Variants in IPO13 observed in about 807,000 individuals in gnomAD.
IPO13 encodes importin 13.
Under a neutral mutation model 115.5 loss-of-function variants are expected in IPO13, and 28 were observed. That is an observed-to-expected ratio of 0.24 (90% CI 0.18 to 0.33). IPO13 has a LOEUF of 0.33. Ranked by LOEUF, IPO13 falls within the 10% of genes least tolerant of loss-of-function variation. The pLI, the probability that IPO13 is intolerant of heterozygous loss-of-function variation, is 1.00. For missense variants in IPO13, 785 were observed against 1,204.6 expected, an observed-to-expected ratio of 0.65 and a Z score of 5.16; for synonymous variants, 414 against 478.9, an observed-to-expected ratio of 0.86 and a Z score of 1.77.
At chr1:43,947,759 G>C in intron 1 of IPO13, 75 bp downstream of exon 1, 1 of 897,436 alleles carries the variant, frequency 1.1e-6, no homozygotes. Context: ...GCAGAGCTCA[G>C]GCCTGGGCTG....
In IPO13 at chr1:43,960,879, G is replaced by A. The variant is rs762515877; in HGVS notation, c.2113G>A (p.Val705Met). The stretch of plus-strand genomic sequence containing the variant: ...GCCCCTTTGCTTTCTTCCCAAGGCG[G>A]TGTGCGCTATCTTTGAGAAGTCTGT... ...WLNDAQVVEA[V>M]CAIFEKSVKT... is the part of the protein sequence containing the mutation. Residue 705 changes from valine (V) to methionine (M), a missense_variant, in exon 13 of 20, where the codon GTG becomes ATG. By Grantham distance (21) the Val-to-Met change is conservative (BLOSUM62 1). Around this residue, in one of 3 missense-constraint regions of IPO13, gnomAD observed 285 missense variants for 394.8 expected, o/e 0.72. Transcript: ENST00000372343. 2 of 1,614,156 alleles carry A rather than the reference G, an allele frequency of 1.2e-6. No homozygotes were observed. Among genetic ancestry groups the A allele is most frequent in the Non-Finnish European group, 1.7e-6 (2 of 1,180,042 alleles).
rs1350980723 is a variant in IPO13, at chr1:43,958,795, C to T, written c.1934C>T (p.Ser645Phe). Residue 645 changes from serine to phenylalanine, a missense_variant, in exon 11 of 20, where the codon TCC becomes TTC. By Grantham distance (155) the Ser-to-Phe change is radical (BLOSUM62 -2). Transcript: ENST00000372343. This position sits in a 1 kb window ranked among gnomAD's most constrained non-coding sequence, Gnocchi z 6.3. ...ATTGTTCACATCTTGGGGCTTCTCT[C>T]CAACCTCTTCACCACACTGGACATC... is the stretch of plus-strand genomic sequence containing the variant. ...LAIVHILGLL[S>F]NLFTTLDISH... 3 of 1,614,060 alleles carry T rather than the reference C, an allele frequency of 1.9e-6. No individual in the cohort carries two copies. In the African/African-American group the frequency reaches 4.0e-5, roughly 22 times the overall value.
chr1:43,954,912 C>T (rs575371753), intron 2 of IPO13, among the ~76,000 whole-genome samples: 1 of 152,320 alleles, frequency 6.6e-6, no homozygotes, highest in South Asian at 2.1e-4. Flanking sequence ...CCTGCATAAC[C>T]TATCAGGTGT....
chr1:43,949,543 G>T lies in IPO13; in HGVS notation c.211G>T (p.Val71Leu). ...FSWQLLQPDK[V>L]PEIQYFGASA... is the part of the protein sequence containing the mutation. ...CTGGCAGCTACTGCAGCCCGACAAGGTACCAGAGATCCAGTACTTTGGGGC... is the reference window on the plus strand; with the variant it reads ...CTGGCAGCTACTGCAGCCCGACAAGTTACCAGAGATCCAGTACTTTGGGGC... Residue 71 changes from valine to leucine, a missense_variant, in exon 2 of 20, where the codon GTA becomes TTA. Coordinates refer to ENST00000372343, the MANE Select transcript of IPO13 (RefSeq NM_014652.4). 6.2e-7 allele frequency: 1 copy of T among 1,614,208 alleles called. No homozygotes were observed. Among genetic ancestry groups the T allele is most frequent in the South Asian group, 1.1e-5 (1 of 91,076 alleles).
Position 43,966,507 on chromosome 1 carries a change from G to C in IPO13, c.2398-68G>C, listed in dbSNP as rs1461293071. ...AGGTGTGAAGTTGGGGGCTGGGGTG[G>C]CAGGTGAGTGGGGGGGATGGTCCTT... On this transcript the variant is annotated intron_variant, in intron 15 of 19. Transcript: ENST00000372343. The surrounding 1 kb of genome is among the most constrained non-coding windows in gnomAD (Gnocchi z 4.1). The C allele has an allele frequency of 1.6e-5, 24 of 1,491,880 alleles. No individual in the cohort carries two copies. The highest frequency in any genetic ancestry group is 2.2e-5 in the Non-Finnish European group (24 of 1,070,908). The allele number at this position is 1,491,880 out of a possible 1,614,324, so 92.4% of individuals were successfully genotyped here.
Position 43,947,043 on chromosome 1 carries a change from A to T in IPO13, c.-558A>T, listed in dbSNP as rs1005566950. 1.3e-5 allele frequency: 5 copies of T among 398,554 alleles called. No individual in the cohort carries two copies. Among genetic ancestry groups the T allele is most frequent in the Non-Finnish European group, 2.2e-5 (5 of 226,108 alleles). 24.7% of individuals were successfully genotyped at this position (398,554 alleles called of 1,614,324 possible). On this transcript the variant is annotated 5_prime_UTR_variant, in exon 1 of 20. Transcript: ENST00000372343. ...GCGCGGGCCAGGCCGAACGGAAGGG[A>T]CCTGCCACAGCCCCTCAACTCCACG...
Position 43,947,221 on chromosome 1 carries a change from G to C in IPO13, c.-380G>C. 1 of 399,054 alleles carries C rather than the reference G, an allele frequency of 2.5e-6. No homozygotes were observed. The allele number at this position is 399,054 out of a possible 1,614,324, so 24.7% of individuals were successfully genotyped here. ...CCCAGGCGGGGGTGTTGTGGGTACAGGCCATCGACCCTGTGACCCCTCAAG... is the reference window on the plus strand; with the variant it reads ...CCCAGGCGGGGGTGTTGTGGGTACACGCCATCGACCCTGTGACCCCTCAAG... On this transcript the variant is annotated 5_prime_UTR_variant, in exon 1 of 20. Coordinates refer to ENST00000372343, the MANE Select transcript of IPO13 (RefSeq NM_014652.4).
intron 15 of IPO13, among the ~76,000 whole-genome samples, chr1:43,965,355 T>G (rs1261347992): frequency 6.6e-6 from 1 of 152,044 alleles, no homozygotes. Flanking sequence ...TGCTAGGTAC[T>G]GAGGATATGA....
In IPO13 at chr1:43,958,679, A is replaced by G. The variant is rs2085269016; in HGVS notation, c.1885-67A>G. 5.6e-6 allele frequency: 9 copies of G among 1,612,286 alleles called. No individual in the cohort carries two copies. Among genetic ancestry groups the G allele is most frequent in the Non-Finnish European group, 7.6e-6 (9 of 1,178,690 alleles). ...AGGTTGGAGCTGGCCCTCAGAGCTG[A>G]GGCTCAGTGATCTGGGGACCAAACT... On this transcript the variant is annotated intron_variant, in intron 10 of 19. Coordinates refer to ENST00000372343, the MANE Select transcript of IPO13 (RefSeq NM_014652.4). The surrounding 1 kb of genome is among the most constrained non-coding windows in gnomAD (Gnocchi z 6.3).
At chr1:43,955,050 G>A (rs997126604) in intron 2 of IPO13, among the ~76,000 whole-genome samples, 1 of 152,202 alleles carries the variant, frequency 6.6e-6, no homozygotes, top group Non-Finnish European at 1.5e-5. Context: ...TGTTTAGCCA[G>A]TGACCTGAGA....
intron 15 of IPO13, among the ~76,000 whole-genome samples, chr1:43,965,703 G>C (rs2085317957): frequency 6.6e-6 from 1 of 151,180 alleles, no homozygotes; most frequent in African/African-American, 2.4e-5. Context: ...TGTTAGAGAA[G>C]TGTGTAAGGA....
In IPO13 at chr1:43,967,332, C is replaced by T; in HGVS notation, c.2631C>T (p.Ala877=). The part of the protein sequence containing the change: ...IAVLEAIGGQ[A]SRSLMDCFAD... ...TCCCTCAGGCCATTGGGGGCCAGGC[C>T]TCCCGCAGCCTCATGGACTGCTTTG... The change falls in exon 19 of 20, where the codon GCC becomes GCT. Residue 877 remains alanine, a synonymous_variant. Coordinates refer to ENST00000372343, the MANE Select transcript of IPO13 (RefSeq NM_014652.4). This position sits in a 1 kb window ranked among gnomAD's most constrained non-coding sequence, Gnocchi z 6.1. The T allele has an allele frequency of 6.2e-7, 1 of 1,613,442 alleles. No individual in the cohort carries two copies. The highest frequency in any genetic ancestry group is 8.5e-7 in the Non-Finnish European group (1 of 1,179,514).
rs750587923 is a variant in IPO13, at chr1:43,957,319, C to T, written c.1392+4C>T. On this transcript the variant is annotated splice_donor_region_variant and intron_variant, in intron 6 of 19. Coordinates refer to ENST00000372343, the MANE Select transcript of IPO13 (RefSeq NM_014652.4). ...AGAGGAGCCCTACTCCTGGCAGGTA[C>T]CTCCCAAGCCTGATTCCCTCAGCCT... 1 of 1,613,412 alleles carries T rather than the reference C, an allele frequency of 6.2e-7. No individual in the cohort carries two copies. The highest frequency in any genetic ancestry group is 1.1e-5 in the South Asian group (1 of 91,036).
rs1158827778 is a variant in IPO13, at chr1:43,966,356, G to A, written c.2398-219G>A. On this transcript the variant is annotated intron_variant, in intron 15 of 19. Transcript: ENST00000372343. This position sits in a 1 kb window ranked among gnomAD's most constrained non-coding sequence, Gnocchi z 4.1. ...CCCAACCTCTCTCACGTACACCTGC[G>A]TGTTCATGTACACATACATGTACAT... 3.8e-5 allele frequency: 23 copies of A among 601,340 alleles called. No individual in the cohort carries two copies. Among genetic ancestry groups the A allele is most frequent in the East Asian group, 8.3e-5 (3 of 36,056 alleles). 37.3% of individuals were successfully genotyped at this position (601,340 alleles called of 1,614,324 possible). A position where few individuals can be genotyped will look rare whatever the true frequency, so the allele number is the denominator to read the frequency against.
intron 1 of IPO13, among the ~76,000 whole-genome samples, chr1:43,949,077 C>T (rs2085187579): frequency 6.6e-6 from 1 of 152,236 alleles, no homozygotes. Flanking sequence ...AGCTTCATCC[C>T]TGTGAAGCTG....
At chr1:43,960,182 C>G (rs1571769155) in intron 11 of IPO13, 67 bp from the exon 12 acceptor site, 4 of 1,493,544 alleles carry the variant, frequency 2.7e-6, no homozygotes, top group Non-Finnish European at 3.7e-6. Flanking sequence ...TCCCTGCCAC[C>G]AAGTCCTCCT....
Position 43,949,839 on chromosome 1 carries a change from G to A in IPO13, c.507G>A (p.Leu169=). 6.2e-7 allele frequency: 1 copy of A among 1,613,474 alleles called. No homozygotes were observed. The highest frequency in any genetic ancestry group is 8.5e-7 in the Non-Finnish European group (1 of 1,179,886). The stretch of plus-strand genomic sequence containing the variant: ...GCCGCTGCCTAGCCCTGTTAGAGCT[G>A]CTGACAGTGCTGCCTGAGGAGTTCC... The part of the protein sequence containing the change: ...GQGRCLALLE[L]LTVLPEEFQT... Residue 169 remains leucine, a synonymous_variant, in exon 2 of 20, where the codon CTG becomes CTA. Coordinates refer to ENST00000372343, the MANE Select transcript of IPO13 (RefSeq NM_014652.4).
At chr1:43,949,278 G>C in intron 1 of IPO13, 139 bp from the exon 2 acceptor site, 1 of 843,632 alleles carries the variant, frequency 1.2e-6, no homozygotes, top group Non-Finnish European at 1.8e-6. Flanking sequence ...AGGAAACACT[G>C]CAGAGCGCTG....
Position 43,952,345 on chromosome 1 carries a change from T to A in IPO13, c.821+2192T>A, listed in dbSNP as rs574606892. Among the ~76,000 whole-genome samples, 2 of 152,274 alleles carry A rather than the reference T, an allele frequency of 1.3e-5. No individual in the cohort carries two copies. The highest frequency in any genetic ancestry group is 4.1e-4 in the South Asian group (2 of 4,822). ...TCACCACGCCCAGCTAATTTTTGTA[T>A]TTTTAGTAGAAACGGGGTTTTGCCA... On this transcript the variant is annotated intron_variant, in intron 2 of 19. Coordinates refer to ENST00000372343, the MANE Select transcript of IPO13 (RefSeq NM_014652.4). This position sits in a 1 kb window ranked among gnomAD's most constrained non-coding sequence, Gnocchi z 4.7.
Sources: gnomAD v4.1 joint callset for allele counts (sites outside exome capture counted in the v4.1 genomes callset) on GRCh38, gnomAD v4.1.1 for gene constraint, gnomAD v4.1.1 regional missense constraint, Gnocchi (gnomAD v3.1) non-coding constraint, MANE v1.5 for transcripts, NCBI Gene and HGNC (gene_info 2026-07-23, HGNC 2026-07-21) for gene names.